ACOT11: variants seen among roughly 807,000 people sequenced by gnomAD.
ACOT11 encodes the protein acyl-coenzyme A thioesterase 11.
Under a neutral mutation model 77.5 loss-of-function variants are expected in ACOT11, and 69 were observed. The ratio of observed to expected loss-of-function variants is 0.89; its 90% CI spans 0.73 to 1.09. The LOEUF (loss-of-function observed/expected upper bound fraction) is 1.09, where lower values mean the gene tolerates loss of function less well. Among genes scored for constraint, ACOT11 ranks in the 50% least tolerant of loss-of-function variants. The pLI is 0.00. For missense variants in ACOT11, 766 were observed against 813.7 expected (o/e 0.94, Z 0.71); for synonymous variants, 279 against 313.0 (o/e 0.89, Z 1.15).
rs201069943 is a variant in ACOT11 at position 54,605,079 on chromosome 1, C to T, written c.1240C>T (p.Arg414Cys). Residue 414 changes from arginine to cysteine, a missense_variant, in exon 13 of 16, where the codon CGC becomes TGC. By Grantham distance (180) the Arg-to-Cys change is radical. Coordinates refer to ENST00000343744, the MANE Select transcript of ACOT11 (RefSeq NM_147161.4). ...GGCTGCCCTCTATCCCATGCAGGTC[C>T]GCCTGTACACTCTGGAGGATGACAA... ...WVLSSEISQV[R>C]LYTLEDDKFL... 4.7e-5 allele frequency: 76 copies of T among 1,612,908 alleles called. No homozygotes were observed. Among genetic ancestry groups the T allele is most frequent in the Non-Finnish European group, 5.8e-5 (69 of 1,179,790 alleles).
At chr1:54,568,638 A>G (rs1054212412) in intron 1 of ACOT11, among the ~76,000 whole-genome samples, 1 of 152,184 alleles carries the variant, frequency 6.6e-6, no homozygotes, top group Non-Finnish European at 1.5e-5. Flanking sequence ...TGCTGGGATT[A>G]CAGGCGTGAG....
intron 1 of ACOT11, among the ~76,000 whole-genome samples, chr1:54,578,180 C>T (rs974594230): frequency 1.4e-5 from 2 of 147,604 alleles, no homozygotes; most frequent in Non-Finnish European, 2.9e-5. Flanking sequence ...GGAACAAACA[C>T]ATTGGCCTGG....
At chr1:54,597,546 C>A in intron 7 of ACOT11, 131 bp downstream of exon 7, 2 of 1,200,322 alleles carry the variant, frequency 1.7e-6, no homozygotes, top group South Asian at 1.6e-5. Flanking sequence ...TGTTCTGAAT[C>A]AGAGAAATGA....
intron 15 of ACOT11, among the ~76,000 whole-genome samples, chr1:54,629,751 A>AT (rs1162121417): frequency 7.6e-6 from 1 of 131,866 alleles, no homozygotes. Flanking sequence ...TGCCTAGCTA[A>AT]TTTTTTTGTG....
chr1:54,608,058 A>G lies in ACOT11; in HGVS notation c.1619A>G (p.Gln540Arg), dbSNP rs1204994284. The G allele has an allele frequency of 3.7e-6, 6 of 1,610,228 alleles. No homozygotes were observed. The highest frequency in any genetic ancestry group is 5.1e-6 in the Non-Finnish European group (6 of 1,178,760). Residue 540 changes from glutamine to arginine, a missense_variant, in exon 15 of 16, where the codon CAG becomes CGG. Coordinates refer to ENST00000343744, the MANE Select transcript of ACOT11 (RefSeq NM_147161.4). ...TTCTGCCTCTGGCGCGAGGGGGACC[A>G]GCTGACCAAGGTGAGGCCGGTCCCC... Reference protein sequence around the residue: ...SGFCLWREGDQLTKVSYYNQA... With the variant: ...SGFCLWREGDRLTKVSYYNQA...
chr1:54,559,386 C>T (rs1356359993), intron 1 of ACOT11, among the ~76,000 whole-genome samples: 2 of 152,170 alleles, frequency 1.3e-5, no homozygotes, highest in Admixed American at 6.5e-5. Context: ...GCTGGCATCC[C>T]GGGAGCCTTC....
chr1:54,601,206 G>C (rs1290297829), intron 8 of ACOT11, 63 bp from the exon 9 acceptor site: 1 of 1,567,552 alleles, frequency 6.4e-7, no homozygotes, highest in Non-Finnish European at 8.6e-7. Flanking sequence ...TGTGTGTGTT[G>C]GGGAGGAGGC....
At chr1:54,575,479 G>A (rs1485240586) in intron 1 of ACOT11, among the ~76,000 whole-genome samples, 1 of 152,174 alleles carries the variant, frequency 6.6e-6, no homozygotes, top group African/African-American at 2.4e-5. Context: ...AGGGATGGGA[G>A]CAGGGCCTCT....
intron 1 of ACOT11, among the ~76,000 whole-genome samples, chr1:54,562,238 C>T (rs1653535326): frequency 8.8e-6 from 1 of 114,164 alleles, no homozygotes; most frequent in Non-Finnish European, 1.8e-5. Flanking sequence ...CCACCTCCCT[C>T]CCGGACGGGG....
chr1:54,615,967 G>A, intron 15 of ACOT11: 2 of 1,587,418 alleles, frequency 1.3e-6, no homozygotes, highest in Non-Finnish European at 1.7e-6. Context: ...TGCACATGCT[G>A]CCCCAGGGCC....
chr1:54,614,914 G>T (rs1478416003), downstream of ACOT11: 10 of 1,572,030 alleles, frequency 6.4e-6, no homozygotes, highest in Admixed American at 3.5e-5. Context: ...AGGAATACAT[G>T]ACTCCCTGGG....
Position 54,605,110 on chromosome 1 carries a change from T to C in ACOT11, c.1271T>C (p.Leu424Pro). ...TACACTCTGGAGGATGACAAGTTCCTCTCCTTCCACATGGAGATGGTGGTG... is the reference window on the plus strand; with the variant it reads ...TACACTCTGGAGGATGACAAGTTCCCCTCCTTCCACATGGAGATGGTGGTG... ...RLYTLEDDKF[L>P]SFHMEMVVHV... Residue 424 changes from leucine to proline, a missense_variant, in exon 13 of 16, where the codon CTC (leucine) becomes CCC (proline). Leu to Pro is a moderately conservative substitution (Grantham distance 98). Transcript: ENST00000343744. 1 of 1,613,936 alleles carries C rather than the reference T, an allele frequency of 6.2e-7. No individual in the cohort carries two copies. The highest frequency in any genetic ancestry group is 8.5e-7 in the Non-Finnish European group (1 of 1,180,014).
intron 15 of ACOT11, chr1:54,628,089 G>T: frequency 7.5e-6 from 1 of 133,984 alleles, no homozygotes. Context: ...CTGGAGGCTG[G>T]AGTTGAGAAA....
At chr1:54,593,636 G>A (rs1159009450) in intron 4 of ACOT11, among the ~76,000 whole-genome samples, 1 of 152,068 alleles carries the variant, frequency 6.6e-6, no homozygotes, top group East Asian at 1.9e-4. Context: ...ATGAAGCCCT[G>A]TTGTAGACAT....
At chr1:54,577,749 G>T (rs966234584) in intron 1 of ACOT11, among the ~76,000 whole-genome samples, 7 of 152,170 alleles carry the variant, frequency 4.6e-5, no homozygotes, top group African/African-American at 9.7e-5. Context: ...TGTTTTTCAT[G>T]GCGACTCAAC....
At chr1:54,552,090 G>A (rs186683611) in intron 1 of ACOT11, among the ~76,000 whole-genome samples, 44 of 152,228 alleles carry the variant, frequency 2.9e-4, no homozygotes, top group Admixed American at 2.0e-3. Context: ...TGTGACCTTT[G>A]GCCAGGGGTT....
At chr1:54,592,417 T>C in intron 3 of ACOT11, 129 bp from the exon 4 acceptor site, 1 of 827,510 alleles carries the variant, frequency 1.2e-6, no homozygotes, top group South Asian at 1.9e-5. Context: ...ATCGCAGATG[T>C]GAATATGCCC....
chr1:54,599,558 C>T (rs1557662486), intron 8 of ACOT11, 143 bp downstream of exon 8: 2 of 997,470 alleles, frequency 2.0e-6, no homozygotes, highest in Non-Finnish European at 2.7e-6. Flanking sequence ...ATGGGTTCCT[C>T]TGAAATTCAG....
At chr1:54,589,920 C>G (rs1308504778) in intron 3 of ACOT11, among the ~76,000 whole-genome samples, 1 of 152,038 alleles carries the variant, frequency 6.6e-6, no homozygotes, top group Non-Finnish European at 1.5e-5. Context: ...AACCCCGTCT[C>G]TACTAAAAAT....
Sources: allele counts gnomAD v4.1 joint callset (sites outside exome capture counted in the v4.1 genomes callset), GRCh38; gene constraint gnomAD v4.1.1; transcripts MANE v1.5; gene names NCBI Gene and HGNC (gene_info 2026-07-23, HGNC 2026-07-21).